The following MYO18B variants were observed in gnomAD, a reference collection of about 807,000 sequenced individuals.
MYO18B encodes unconventional myosin-XVIIIb.
In MYO18B, 204 loss-of-function variants were observed where a neutral mutation model predicts 273.0. The observed-to-expected ratio is 0.75, with a 90% CI of 0.67 to 0.84. The LOEUF is 0.84. Among genes scored for constraint, MYO18B ranks in the 40% least tolerant of loss-of-function variants. The pLI is 0.00. For synonymous variants in MYO18B, 1,330 were observed against 1,305.7 expected (o/e 1.02, Z -0.40); for missense variants, 3,212 against 3,287.6 (o/e 0.98, Z 0.56).
chr22:25,982,472 T>G (rs1317113124), intron 39 of MYO18B, among the ~76,000 whole-genome samples: 1 of 152,214 alleles, frequency 6.6e-6, no homozygotes, highest in Non-Finnish European at 1.5e-5. Flanking sequence ...CACAGATTTA[T>G]TCTTTTAGAG....
In MYO18B at chr22:25,851,597, G is replaced by A. The variant is rs371221935; in HGVS notation, c.3885+18G>A. 4.6e-6 allele frequency: 7 copies of A among 1,507,836 alleles called. No individual in the cohort carries two copies. Among genetic ancestry groups the A allele is most frequent in the South Asian group, 1.2e-5 (1 of 83,258 alleles). The allele number at this position is 1,507,836 out of a possible 1,614,324, so 93.4% of individuals were successfully genotyped here. On this transcript the variant is annotated intron_variant, in intron 21 of 43. Coordinates refer to ENST00000335473, the MANE Select transcript of MYO18B (RefSeq NM_032608.7). Reference sequence around the variant, plus strand: ...AAAGGAAGGTAGGTGGAGCACATGCGAGAGGGGTGAAGGCCCTAGATATGG... The same window carrying A: ...AAAGGAAGGTAGGTGGAGCACATGCAAGAGGGGTGAAGGCCCTAGATATGG...
chr22:25,923,426 C>A (rs757491760), intron 34 of MYO18B, among the ~76,000 whole-genome samples: 16 of 152,216 alleles, frequency 1.1e-4, no homozygotes, highest in Non-Finnish European at 1.6e-4. Context: ...CATTGCCCTG[C>A]TTAATCCTCA....
chr22:25,892,921 A>G (rs568366249), intron 27 of MYO18B, among the ~76,000 whole-genome samples: 1 of 152,228 alleles, frequency 6.6e-6, no homozygotes, highest in Admixed American at 6.5e-5. Context: ...TGTCTAAATA[A>G]TGCTTCCCAG....
chr22:25,883,954 T>C lies in MYO18B; in HGVS notation c.4314+5906T>C, dbSNP rs905349414. On this transcript the variant is annotated intron_variant, in intron 25 of 43. Coordinates refer to ENST00000335473, the MANE Select transcript of MYO18B (RefSeq NM_032608.7). The surrounding 1 kb of genome is among the most constrained non-coding windows in gnomAD (Gnocchi z 7.6). ...TCATAAGAAGGCAGTGCTGGCCTTC[T>C]TGTTGGAAGCACCTGTAAGGTTTTG... 4.6e-5 allele frequency among the ~76,000 whole-genome samples: 7 copies of C among 152,150 alleles called. No individual in the cohort carries two copies. Among genetic ancestry groups the C allele is most frequent in the Non-Finnish European group, 5.9e-5 (4 of 68,024 alleles).
chr22:26,047,523 T>A, the MYO18B span, among the ~76,000 whole-genome samples: 1 of 152,232 alleles, frequency 6.6e-6, no homozygotes, highest in African/African-American at 2.4e-5. Context: ...GGAGGAGGTG[T>A]CGCCAATATA....
At chr22:25,949,766 A>C (rs1238493477) in intron 36 of MYO18B, among the ~76,000 whole-genome samples, 2 of 152,174 alleles carry the variant, frequency 1.3e-5, no homozygotes, top group Non-Finnish European at 2.9e-5. Context: ...GCCCATAATA[A>C]ATAATTTAAA....
At chr22:25,809,793 G>A (rs2088653493) in intron 12 of MYO18B, among the ~76,000 whole-genome samples, 1 of 152,086 alleles carries the variant, frequency 6.6e-6, no homozygotes, top group African/African-American at 2.4e-5. Flanking sequence ...AGGAAGAAGT[G>A]GCTGGATGCT....
intron 11 of MYO18B, among the ~76,000 whole-genome samples, chr22:25,794,391 G>T (rs967802630): frequency 4.7e-5 from 7 of 147,962 alleles, no homozygotes; most frequent in African/African-American, 1.8e-4. Context: ...TTTTATTGTA[G>T]AGACAGGGTC....
rs1002573672 is a variant in MYO18B, at chr22:25,895,656, A to G, written c.4668+376A>G. The G allele has an allele frequency of 4.3e-4, 73 of 170,884 alleles. 1 individual carries two copies. Among genetic ancestry groups the G allele is most frequent in the South Asian group, 7.3e-4 (5 of 6,860 alleles). 10.6% of individuals were successfully genotyped at this position (170,884 alleles called of 1,614,324 possible). On this transcript the variant is annotated intron_variant, in intron 28 of 43. Transcript: ENST00000335473. ...CACATTTCCCTGTTGCCTCTGTTCTAATCTGCTACCTTCATCTCTCATCCA... is the reference window on the plus strand; with the variant it reads ...CACATTTCCCTGTTGCCTCTGTTCTGATCTGCTACCTTCATCTCTCATCCA...
chr22:25,971,741 C>T (rs1455803213), intron 39 of MYO18B, among the ~76,000 whole-genome samples: 1 of 152,156 alleles, frequency 6.6e-6, no homozygotes, highest in Admixed American at 6.5e-5. Context: ...TGTTTATGCA[C>T]TTTTGTTGTT....
At position 25,829,514 on chromosome 22, in the gene MYO18B, T is replaced by C. The variant is rs551548942; in HGVS notation, c.2979+546T>C. Among the ~76,000 whole-genome samples, 7 of 128,050 alleles carry C rather than the reference T, an allele frequency of 5.5e-5. No individual in the cohort carries two copies. In the East Asian group the frequency reaches 1.5e-3, roughly 27 times the overall value. The allele number at this position is 128,050 out of a possible 152,430, so 84.0% of individuals were successfully genotyped here. On this transcript the variant is annotated intron_variant, in intron 15 of 43. Coordinates refer to ENST00000335473, the MANE Select transcript of MYO18B (RefSeq NM_032608.7). Reference sequence around the variant, plus strand: ...ACAGGCATGATCCTGCCAGCCCTTCTTTTTTCATAAAAAAAAAAAAAAAGA... The same window carrying C: ...ACAGGCATGATCCTGCCAGCCCTTCCTTTTTCATAAAAAAAAAAAAAAAGA...
At chr22:25,995,903 A>G (rs1056254617) in intron 40 of MYO18B, among the ~76,000 whole-genome samples, 3 of 152,194 alleles carry the variant, frequency 2.0e-5, no homozygotes, top group African/African-American at 4.8e-5. Flanking sequence ...TAGTTTCCAT[A>G]TAACACCTGT....
intron 16 of MYO18B, 72 bp from the exon 17 acceptor site, chr22:25,835,224 T>TGGGA: frequency 6.6e-7 from 1 of 1,517,048 alleles, no homozygotes; most frequent in South Asian, 1.3e-5. Flanking sequence ...TCCCTATCGG[T>TGGGA]GGGAAGAGAA....
chr22:25,969,090 C>T (rs925468881), intron 39 of MYO18B, among the ~76,000 whole-genome samples: 1 of 152,158 alleles, frequency 6.6e-6, no homozygotes, highest in Non-Finnish European at 1.5e-5. Context: ...AAATTACTAC[C>T]TCTGTGGGCA....
intron 11 of MYO18B, among the ~76,000 whole-genome samples, chr22:25,792,491 T>TTTTA (rs55642940): frequency 2.1e-5 from 2 of 96,442 alleles, no homozygotes; most frequent in Admixed American, 2.4e-4. Context: ...CTTTTTTTTT[T>TTTTA]CTTTTCTTTT....
chr22:25,834,973 T>G (rs930441928), intron 16 of MYO18B, among the ~76,000 whole-genome samples: 2 of 152,150 alleles, frequency 1.3e-5, no homozygotes, highest in African/African-American at 2.4e-5. Flanking sequence ...CCTTGTTAAA[T>G]CCCCACCATG....
chr22:26,016,426 G>A (rs936929138), intron 42 of MYO18B, among the ~76,000 whole-genome samples: 1 of 152,190 alleles, frequency 6.6e-6, no homozygotes, highest in African/African-American at 2.4e-5. Context: ...ATCACATCCT[G>A]TAGAAATGAA....
At chr22:26,052,097 C>A in the MYO18B span, among the ~76,000 whole-genome samples, 2 of 152,242 alleles carry the variant, frequency 1.3e-5, no homozygotes, top group African/African-American at 4.8e-5. Context: ...AAGGCAAGTG[C>A]TATGTTGAAA....
At chr22:25,801,543 CTG>C (rs2088194934) in intron 12 of MYO18B, among the ~76,000 whole-genome samples, 2 of 152,298 alleles carry the variant, frequency 1.3e-5, no homozygotes, top group South Asian at 4.1e-4. Flanking sequence ...GTGGCAAAAA[CTG>C]TGGTACACAG....
Sources: gnomAD v4.1 joint callset for allele counts (sites outside exome capture counted in the v4.1 genomes callset) on GRCh38, gnomAD v4.1.1 for gene constraint, Gnocchi (gnomAD v3.1) non-coding constraint, MANE v1.5 for transcripts, NCBI Gene and HGNC (gene_info 2026-07-23, HGNC 2026-07-21) for gene names.